The following XKR9 variants were observed in gnomAD, a reference collection of about 807,000 sequenced individuals.
XKR9 encodes the protein XK-related protein 9.
In XKR9, 32 loss-of-function variants were observed where a neutral mutation model predicts 32.0. That is an observed-to-expected ratio of 1.00 (90% CI 0.76 to 1.34). The LOEUF is 1.34. Ranked by LOEUF, XKR9 falls within the 40% of genes most tolerant of loss-of-function variation. XKR9 has a pLI of 0.00. For missense variants in XKR9, 546 were observed against 429.7 expected (o/e 1.27, Z -2.39); for synonymous variants, 168 against 143.4 (o/e 1.17, Z -1.22).
chr8:70,893,433 A>T, the XKR9 span, among the ~76,000 whole-genome samples: 1 of 151,956 alleles, frequency 6.6e-6, no homozygotes, highest in Non-Finnish European at 1.5e-5. Flanking sequence ...GTGTCCCTGG[A>T]TTCATGCTTA....
the XKR9 span, among the ~76,000 whole-genome samples, chr8:70,873,097 C>T: frequency 6.6e-6 from 1 of 152,164 alleles, no homozygotes; most frequent in Non-Finnish European, 1.5e-5. Context: ...CATATGTTTA[C>T]AGCATAGTTT....
the XKR9 span, among the ~76,000 whole-genome samples, chr8:70,841,147 A>G: frequency 6.6e-6 from 1 of 152,146 alleles, no homozygotes; most frequent in Non-Finnish European, 1.5e-5. Context: ...TATAAATAGT[A>G]TTCTGTAAGT....
chr8:71,033,691 T>C, the XKR9 span, among the ~76,000 whole-genome samples: 1 of 152,100 alleles, frequency 6.6e-6, no homozygotes, highest in African/African-American at 2.4e-5. Context: ...GAGTCTGACT[T>C]CATCAGTTTC....
At chr8:70,748,095 T>C (rs1365602675) in intron 2 of XKR9, among the ~76,000 whole-genome samples, 1 of 152,244 alleles carries the variant, frequency 6.6e-6, no homozygotes, top group African/African-American at 2.4e-5. Flanking sequence ...GCAACAATCA[T>C]ATAAAAAAAT....
the XKR9 span, among the ~76,000 whole-genome samples, chr8:70,903,503 T>C: frequency 1.6e-4 from 24 of 152,214 alleles, no homozygotes; most frequent in Non-Finnish European, 1.5e-4. Flanking sequence ...TCATTTTTTA[T>C]TGTGTATATT....
chr8:71,037,423 C>T, the XKR9 span, among the ~76,000 whole-genome samples: 2 of 152,140 alleles, frequency 1.3e-5, no homozygotes, highest in East Asian at 3.8e-4. Flanking sequence ...TCTAACAGAA[C>T]ATTTTCATTT....
chr8:70,870,187 G>T, the XKR9 span, among the ~76,000 whole-genome samples: 3 of 152,066 alleles, frequency 2.0e-5, no homozygotes, highest in African/African-American at 4.8e-5. Context: ...GGGTCTTCTA[G>T]CAAAAGATAA....
At chr8:70,874,205 T>C in the XKR9 span, among the ~76,000 whole-genome samples, 3 of 152,208 alleles carry the variant, frequency 2.0e-5, no homozygotes, top group Non-Finnish European at 4.4e-5. Context: ...ATATTTGCTT[T>C]ATCGTGGTGG....
At chr8:70,858,406 C>G in the XKR9 span, among the ~76,000 whole-genome samples, 11,037 of 152,156 alleles carry the variant, frequency 0.073, 472 homozygotes, top group Non-Finnish European at 0.089. Context: ...ATCCAACTTA[C>G]AAGAGGTGTG....
chr8:70,772,643 G>A (rs1807468505), intron 2 of XKR9, among the ~76,000 whole-genome samples: 2 of 152,094 alleles, frequency 1.3e-5, no homozygotes, highest in Non-Finnish European at 2.9e-5. Context: ...TCTCTTTATT[G>A]TGGTATCTTG....
At chr8:70,856,376 A>T in the XKR9 span, among the ~76,000 whole-genome samples, 9,567 of 152,276 alleles carry the variant, frequency 0.063, 422 homozygotes, top group Non-Finnish European at 0.089. Context: ...AAAAGAGACA[A>T]GGCCATTACA....
chr8:71,023,641 G>T, the XKR9 span, among the ~76,000 whole-genome samples: 1 of 152,180 alleles, frequency 6.6e-6, no homozygotes, highest in Non-Finnish European at 1.5e-5. Context: ...GGGGAAATGG[G>T]TGAGGCCTGA....
the XKR9 span, among the ~76,000 whole-genome samples, chr8:70,826,912 A>C: frequency 6.6e-6 from 1 of 152,144 alleles, no homozygotes; most frequent in Admixed American, 6.5e-5. Flanking sequence ...ATGTTTGAAG[A>C]CCATTTTTTA....
the XKR9 span, among the ~76,000 whole-genome samples, chr8:70,850,733 C>A: frequency 6.6e-6 from 1 of 151,940 alleles, no homozygotes; most frequent in Non-Finnish European, 1.5e-5. Context: ...AATTCTATAC[C>A]CCTACTAGCT....
At chr8:71,007,070 C>T in the XKR9 span, among the ~76,000 whole-genome samples, 1 of 152,158 alleles carries the variant, frequency 6.6e-6, no homozygotes, top group African/African-American at 2.4e-5. Context: ...GGAACCTCCT[C>T]CTCCCCTCAG....
the XKR9 span, among the ~76,000 whole-genome samples, chr8:70,906,698 T>C: frequency 6.6e-6 from 1 of 152,228 alleles, no homozygotes; most frequent in Non-Finnish European, 1.5e-5. Flanking sequence ...CCATCCTTTC[T>C]GCATTCGTTC....
At chr8:70,976,027 G>A in the XKR9 span, among the ~76,000 whole-genome samples, 1 of 152,206 alleles carries the variant, frequency 6.6e-6, no homozygotes, top group Non-Finnish European at 1.5e-5. Context: ...GTTCACTCAT[G>A]ATTTGGCTCT....
downstream of XKR9, among the ~76,000 whole-genome samples, chr8:70,737,647 A>T (rs1327832340): frequency 1.3e-4 from 14 of 111,372 alleles, 1 homozygote; most frequent in Non-Finnish European, 2.0e-4. Flanking sequence ...CATCCCATCA[A>T]TACCTAATTT....
the XKR9 span, among the ~76,000 whole-genome samples, chr8:71,021,498 C>CTTTTTTT: frequency 9.9e-6 from 1 of 101,418 alleles, no homozygotes; most frequent in Non-Finnish European, 2.0e-5. Context: ...TTGATGGTTT[C>CTTTTTTT]TTTTTTTTTT....
Sources: gnomAD v4.1 joint callset for allele counts (sites outside exome capture counted in the v4.1 genomes callset) on GRCh38, gnomAD v4.1.1 for gene constraint, MANE v1.5 for transcripts, NCBI Gene and HGNC (gene_info 2026-07-23, HGNC 2026-07-21) for gene names.